NCAPG2: variants seen among roughly 807,000 people sequenced by gnomAD.
NCAPG2 encodes the protein non-SMC condensin II complex subunit G2, also known as condensin-2 complex subunit G2.
A neutral mutation model predicts 141.1 loss-of-function variants in NCAPG2; 53 were observed. The ratio of observed to expected loss-of-function variants is 0.38; its 90% CI spans 0.30 to 0.47. The LOEUF (loss-of-function observed/expected upper bound fraction) is 0.47. Ranked by LOEUF, NCAPG2 falls within the 20% of genes least tolerant of loss-of-function variation. The pLI, the probability that NCAPG2 is intolerant of heterozygous loss-of-function variation, is 0.99. For missense variants in NCAPG2, 1,087 were observed against 1,389.0 expected, an observed-to-expected ratio of 0.78 and a Z score of 3.46; for synonymous variants, 499 against 490.7, an observed-to-expected ratio of 1.02 and a Z score of -0.22.
rs1830032518 is a variant in NCAPG2 at position 158,633,899 on chromosome 7, A to C, written c.3381-2182T>G. Among the ~76,000 whole-genome samples, 1 of 152,048 alleles carries C rather than the reference A, an allele frequency of 6.6e-6. No individual in the cohort carries two copies. Among genetic ancestry groups the C allele is most frequent in the African/African-American group, 2.4e-5 (1 of 41,400 alleles). ...CCAAGTAGCTGGGACTATGGTGCAC[A>C]CCACCACACCCAGCAGATTTTTTTG... On this transcript the variant is annotated intron_variant, in intron 27 of 27. Transcript: ENST00000356309. The surrounding 1 kb of genome is among the most constrained non-coding windows in gnomAD (Gnocchi z 4.1).
chr7:158,638,121 A>G (rs989215436), intron 27 of NCAPG2, among the ~76,000 whole-genome samples: 1 of 152,124 alleles, frequency 6.6e-6, no homozygotes, highest in Non-Finnish European at 1.5e-5. Flanking sequence ...TACAGCCTGC[A>G]TAACAGAGGG....
chr7:158,647,099 T>G (rs1430011667), intron 24 of NCAPG2, among the ~76,000 whole-genome samples: 1 of 152,146 alleles, frequency 6.6e-6, no homozygotes, highest in African/African-American at 2.4e-5. Context: ...AACAGACATA[T>G]TACTCAATAA....
chr7:158,632,667 A>C (rs1187887700), intron 27 of NCAPG2, among the ~76,000 whole-genome samples: 1 of 152,204 alleles, frequency 6.6e-6, no homozygotes. Flanking sequence ...ACTGCTGTCT[A>C]CCACAGCCCC....
intron 13 of NCAPG2, among the ~76,000 whole-genome samples, chr7:158,667,492 C>A (rs1833158222): frequency 8.1e-6 from 1 of 123,720 alleles, no homozygotes; most frequent in Non-Finnish European, 1.7e-5. Context: ...TCCCTCCGCC[C>A]GCCTTACCCA....
chr7:158,650,959 A>T lies in NCAPG2; in HGVS notation c.2948T>A (p.Val983Asp). ...AATGAACTCATGAAGAGGCCTCTGA[A>T]CAGAATAAAGCAGCTACAAGAAAAC... ...PEEGLRLLYS[V>D]QRPLHEFITA... Residue 983 changes from valine to aspartate, a missense_variant, in exon 24 of 28, where the codon GTT becomes GAT. Coordinates refer to ENST00000356309, the MANE Select transcript of NCAPG2 (RefSeq NM_017760.7). The T allele has an allele frequency of 6.2e-7, 1 of 1,602,654 alleles. No individual in the cohort carries two copies. Among genetic ancestry groups the T allele is most frequent in the Non-Finnish European group, 8.5e-7 (1 of 1,176,824 alleles).
chr7:158,669,626 G>A (rs904777390), intron 13 of NCAPG2, among the ~76,000 whole-genome samples: 9 of 151,654 alleles, frequency 5.9e-5, no homozygotes, highest in East Asian at 3.9e-4. Context: ...AAAATTCGCC[G>A]GGCATGGTGG....
At position 158,668,195 on chromosome 7, in the gene NCAPG2, C is replaced by T. The variant is rs1211110393; in HGVS notation, c.1479+3319G>A. 5 of 514,888 alleles carry T rather than the reference C, an allele frequency of 9.7e-6. No homozygotes were observed. In the African/African-American group the frequency reaches 1.2e-4, roughly 12 times the overall value. The allele number at this position is 514,888 out of a possible 1,614,324, so 31.9% of individuals were successfully genotyped here. A position where few individuals can be genotyped will look rare whatever the true frequency, so the allele number is the denominator to read the frequency against. On this transcript the variant is annotated intron_variant, in intron 13 of 27. Coordinates refer to ENST00000356309, the MANE Select transcript of NCAPG2 (RefSeq NM_017760.7). ...TGGGTCCCTCCGCCTTCCTTACCGA[C>T]CCTGGGTCCCTCCGCCCCCCCTTAC...
chr7:158,702,988 G>A (rs1835904439), intron 1 of NCAPG2, among the ~76,000 whole-genome samples: 1 of 152,178 alleles, frequency 6.6e-6, no homozygotes, highest in Non-Finnish European at 1.5e-5. Context: ...CTTTTTCTAT[G>A]CTTAGATATG....
chr7:158,666,850 G>C (rs1218276889), intron 13 of NCAPG2, among the ~76,000 whole-genome samples: 2 of 152,166 alleles, frequency 1.3e-5, no homozygotes, highest in African/African-American at 2.4e-5. Context: ...CAGCCCAGCA[G>C]CCCAGGCCTA....
At chr7:158,636,871 CCT>C (rs1456437553) in intron 27 of NCAPG2, among the ~76,000 whole-genome samples, 1 of 152,122 alleles carries the variant, frequency 6.6e-6, no homozygotes, top group Admixed American at 6.5e-5. Context: ...GACAAGTGCT[CCT>C]CTGTCATCCC....
intron 6 of NCAPG2, 72 bp downstream of exon 6, chr7:158,689,747 C>A: frequency 7.3e-7 from 1 of 1,366,078 alleles, no homozygotes; most frequent in Non-Finnish European, 9.8e-7. Context: ...CAGACAGGAA[C>A]CATGTGAACA....
intron 27 of NCAPG2, among the ~76,000 whole-genome samples, chr7:158,639,296 C>T (rs1830484563): frequency 6.6e-6 from 1 of 152,042 alleles, no homozygotes; most frequent in Non-Finnish European, 1.5e-5. Flanking sequence ...TTTGTAGAGA[C>T]AGGGTTTTGC....
chr7:158,700,992 C>A (rs113732709), intron 2 of NCAPG2, among the ~76,000 whole-genome samples: 15 of 152,328 alleles, frequency 9.8e-5, no homozygotes, highest in African/African-American at 3.4e-4. Flanking sequence ...CCCCTGGTAT[C>A]CAGACGTGCA....
intron 27 of NCAPG2, among the ~76,000 whole-genome samples, chr7:158,632,256 G>T (rs770239985): frequency 6.6e-6 from 1 of 152,170 alleles, no homozygotes. Flanking sequence ...CCTAGGCCGC[G>T]GCTTTGGCTG....
At chr7:158,631,775 T>C (rs946245064) in intron 27 of NCAPG2, 58 bp from the exon 28 acceptor site, 1 of 1,342,774 alleles carries the variant, frequency 7.4e-7, no homozygotes, top group Admixed American at 1.9e-5. Flanking sequence ...ATTATCCAAA[T>C]GTACATTTTC....
chr7:158,656,627 G>T lies in NCAPG2; in HGVS notation c.2139C>A (p.Leu713=). Residue 713 remains leucine (L), a synonymous_variant, in exon 18 of 28, where the codon CTC becomes CTA. Coordinates refer to ENST00000356309, the MANE Select transcript of NCAPG2 (RefSeq NM_017760.7). The part of the protein sequence containing the change: ...DKSYCTLLDC[L]CSWGQVGHIL... ...TGTGCCCCACCTGCCCCCAGGAGCAGAGGCAATCCAACAAAGTGCAGTAGC... is the reference window on the plus strand; with the variant it reads ...TGTGCCCCACCTGCCCCCAGGAGCATAGGCAATCCAACAAAGTGCAGTAGC... 2 of 1,614,162 alleles carry T rather than the reference G, an allele frequency of 1.2e-6. No individual in the cohort carries two copies. Among genetic ancestry groups the T allele is most frequent in the Non-Finnish European group, 1.7e-6 (2 of 1,180,048 alleles).
rs367772207 is a variant in NCAPG2, at chr7:158,656,328, G to A, written c.2320C>T (p.Arg774Cys). ...IEYLLTHPKN[R>C]ECLLSAPRKK... The stretch of plus-strand genomic sequence containing the variant: ...CGAGGAGCAGAGAGCAAGCACTCGC[G>A]GTTCTTTGGATGAGTCAGCAGATAC... The change falls in exon 19 of 28, where the codon CGC becomes TGC. Residue 774 changes from arginine (R) to cysteine (C), a missense_variant. Coordinates refer to ENST00000356309, the MANE Select transcript of NCAPG2 (RefSeq NM_017760.7). 4.3e-5 allele frequency: 69 copies of A among 1,614,148 alleles called. No individual in the cohort carries two copies. The highest frequency in any genetic ancestry group is 2.7e-4 in the South Asian group (25 of 91,082).
At chr7:158,691,320 T>C (rs939567181) in intron 4 of NCAPG2, among the ~76,000 whole-genome samples, 1 of 152,250 alleles carries the variant, frequency 6.6e-6, no homozygotes, top group Non-Finnish European at 1.5e-5. Context: ...GGGAAGTTGA[T>C]AGCAACTACA....
intron 16 of NCAPG2, among the ~76,000 whole-genome samples, chr7:158,660,973 C>T (rs1325008012): frequency 6.6e-6 from 1 of 152,154 alleles, no homozygotes; most frequent in African/African-American, 2.4e-5. Context: ...GTGCCTTTTG[C>T]CTTCCGTCAT....
Sources: gnomAD v4.1 joint callset for allele counts (sites outside exome capture counted in the v4.1 genomes callset) on GRCh38, gnomAD v4.1.1 for gene constraint, Gnocchi (gnomAD v3.1) non-coding constraint, MANE v1.5 for transcripts, NCBI Gene and HGNC (gene_info 2026-07-23, HGNC 2026-07-21) for gene names.